PACRG: variants seen among roughly 807,000 people sequenced by gnomAD.
The protein encoded by PACRG is parkin coregulated gene protein.
Under a neutral mutation model 29.7 loss-of-function variants are expected in PACRG, and 29 were observed. That is an observed-to-expected ratio of 0.98 (90% CI 0.73 to 1.33). The LOEUF is 1.33. Among genes scored for constraint, PACRG ranks in the 40% most tolerant of loss-of-function variants. PACRG has a pLI of 0.00. For synonymous variants in PACRG, 116 were observed against 118.7 expected (o/e 0.98, Z 0.15); for missense variants, 279 against 316.2 (o/e 0.88, Z 0.89).
chr6:162,754,647 CAT>C, intron 1 of PACRG, among the ~76,000 whole-genome samples: 1 of 152,034 alleles, frequency 6.6e-6, no homozygotes, highest in Admixed American at 6.5e-5. Context: ...GTGATTTTTA[CAT>C]ATGATATAAG....
intron 2 of PACRG, among the ~76,000 whole-genome samples, chr6:162,930,989 G>A (rs918210580): frequency 6.6e-6 from 1 of 151,710 alleles, no homozygotes; most frequent in South Asian, 2.1e-4. Flanking sequence ...GTATTTTGTT[G>A]ATAATTTTTT....
intron 1 of PACRG, among the ~76,000 whole-genome samples, chr6:162,801,750 TG>T (rs1785895979): frequency 6.6e-6 from 1 of 152,128 alleles, no homozygotes. Context: ...GAAAGTGTAT[TG>T]ATCTCATCAA....
chr6:163,284,821 G>A (rs1384871362), intron 4 of PACRG, among the ~76,000 whole-genome samples: 2 of 152,096 alleles, frequency 1.3e-5, no homozygotes, highest in East Asian at 1.9e-4. Flanking sequence ...TGCTAAAGCT[G>A]TTGCCATCTA....
At chr6:163,151,590 G>A (rs931047265) in intron 4 of PACRG, among the ~76,000 whole-genome samples, 2 of 152,136 alleles carry the variant, frequency 1.3e-5, no homozygotes, top group Non-Finnish European at 2.9e-5. Flanking sequence ...GTCCTCGATA[G>A]GAAAATGTGC....
intron 2 of PACRG, among the ~76,000 whole-genome samples, chr6:162,966,957 C>T (rs1430588418): frequency 6.6e-6 from 1 of 152,096 alleles, no homozygotes; most frequent in Non-Finnish European, 1.5e-5. Context: ...ATGGATATTA[C>T]ACAGTGATTA....
intron 2 of PACRG, among the ~76,000 whole-genome samples, chr6:162,905,519 T>G (rs192968909): frequency 4.6e-5 from 7 of 152,208 alleles, no homozygotes; most frequent in African/African-American, 1.4e-4. Context: ...ATTTCAAAAA[T>G]AAAGAGATTG....
intron 4 of PACRG, among the ~76,000 whole-genome samples, chr6:163,173,771 A>T (rs1156452984): frequency 6.6e-6 from 1 of 152,246 alleles, no homozygotes; most frequent in Non-Finnish European, 1.5e-5. Flanking sequence ...TTCCCAGCTC[A>T]GGAGCTTTCA....
intron 2 of PACRG, among the ~76,000 whole-genome samples, chr6:163,051,084 C>T (rs1467834187): frequency 1.3e-5 from 2 of 152,194 alleles, no homozygotes; most frequent in Admixed American, 1.3e-4. Context: ...TGATCCAGAT[C>T]TCTAATTCTC....
At chr6:163,071,603 T>C (rs1380557626) in intron 3 of PACRG, among the ~76,000 whole-genome samples, 1 of 146,194 alleles carries the variant, frequency 6.8e-6, no homozygotes, top group Non-Finnish European at 1.5e-5. Flanking sequence ...TTGAAATAAA[T>C]AACCTAACAA....
chr6:163,101,056 A>G (rs1585214027), intron 4 of PACRG: 1 of 982,340 alleles, frequency 1.0e-6, no homozygotes. Context: ...GCATATTTAT[A>G]TTCATTTTGA....
intron 4 of PACRG, chr6:163,165,889 A>C (rs560839243): frequency 2.5e-5 from 9 of 354,446 alleles, no homozygotes; most frequent in South Asian, 2.0e-4. Context: ...AGAACGAATG[A>C]AAGGGCTTCA....
At chr6:162,897,771 A>G (rs1001069193) in intron 2 of PACRG, among the ~76,000 whole-genome samples, 10 of 152,178 alleles carry the variant, frequency 6.6e-5, no homozygotes, top group Non-Finnish European at 1.3e-4. Flanking sequence ...AGTGGGGTGT[A>G]TAGTTTGTTG....
chr6:162,856,527 C>T (rs574921394), intron 2 of PACRG, among the ~76,000 whole-genome samples: 225 of 152,290 alleles, frequency 1.5e-3, no homozygotes, highest in African/African-American at 5.2e-3. Flanking sequence ...TCCTGCAGCC[C>T]TGGAGCATCT....
At chr6:163,137,594 AG>A (rs1426306928) in intron 4 of PACRG, among the ~76,000 whole-genome samples, 2 of 152,104 alleles carry the variant, frequency 1.3e-5, no homozygotes, top group African/African-American at 4.8e-5. Context: ...GAACACCGTC[AG>A]TACTCCCTAA....
At chr6:163,129,626 C>T (rs1816654257) in intron 4 of PACRG, among the ~76,000 whole-genome samples, 1 of 152,208 alleles carries the variant, frequency 6.6e-6, no homozygotes, top group Non-Finnish European at 1.5e-5. Flanking sequence ...GGTAAGCAAA[C>T]ACTGTCCTCC....
intron 4 of PACRG, among the ~76,000 whole-genome samples, chr6:163,237,651 T>C (rs1782306622): frequency 6.6e-6 from 1 of 152,212 alleles, no homozygotes; most frequent in South Asian, 2.1e-4. Flanking sequence ...ACATTTCTGT[T>C]CTCATAAGAT....
intron 2 of PACRG, among the ~76,000 whole-genome samples, chr6:162,818,487 C>T (rs1787548502): frequency 6.6e-6 from 1 of 152,062 alleles, no homozygotes; most frequent in Non-Finnish European, 1.5e-5. Flanking sequence ...ATTGTCTCTA[C>T]CTCTGCTGTG....
chr6:162,799,299 C>T (rs1179403763), intron 1 of PACRG, among the ~76,000 whole-genome samples: 2 of 152,140 alleles, frequency 1.3e-5, no homozygotes, highest in Admixed American at 6.5e-5. Flanking sequence ...TTATTTAGGG[C>T]AGACAACATG....
At chr6:163,081,605 A>G (rs193126951) in intron 3 of PACRG, among the ~76,000 whole-genome samples, 307 of 152,262 alleles carry the variant, frequency 2.0e-3, no homozygotes, top group Admixed American at 3.6e-3. Flanking sequence ...AATATAAAAA[A>G]ATTAGCCAGC....
Sources: allele counts gnomAD v4.1 joint callset (sites outside exome capture counted in the v4.1 genomes callset), GRCh38; gene constraint gnomAD v4.1.1; transcripts MANE v1.5; gene names NCBI Gene and HGNC (gene_info 2026-07-23, HGNC 2026-07-21).